The following DIAPH3 variants were observed in gnomAD, a reference collection of about 807,000 sequenced individuals.
DIAPH3 encodes the protein protein diaphanous homolog 3.
DIAPH3 carries 117 observed loss-of-function variants against 144.3 expected under a neutral mutation model. The observed-to-expected ratio is 0.81, with a 90% confidence interval of 0.70 to 0.95. DIAPH3 has a LOEUF of 0.95. DIAPH3 is among the 40% of genes least tolerant of loss of function. DIAPH3 has a pLI of 0.00. For missense variants in DIAPH3, 1,421 were observed against 1,412.7 expected (o/e 1.01, Z -0.09); for synonymous variants, 519 against 488.9 (o/e 1.06, Z -0.81).
At chr13:59,714,955 CCAAGAACAATA>C (rs200376455) in intron 27 of DIAPH3, among the ~76,000 whole-genome samples, 3,858 of 150,772 alleles carry the variant, frequency 0.026, 75 homozygotes, top group Non-Finnish European at 0.04. Flanking sequence ...TCTCCCTCTC[CCAAGAACAATA>C]AGGGAGCAGG....
In DIAPH3 at chr13:59,709,794, G is replaced by A. The variant is rs1052209778; in HGVS notation, c.3320-42948C>T. On this transcript the variant is annotated intron_variant, in intron 27 of 27. Transcript: ENST00000400324. ...CATGCTGCTATAAAGACACATGCAC[G>A]TGTATGTTTACTGTGGCATTATTCA... Among the ~76,000 whole-genome samples the A allele has an allele frequency of 4.4e-3, 675 of 152,144 alleles. 1 individual carries two copies. Among genetic ancestry groups the A allele is most frequent in the African/African-American group, 0.015 (618 of 41,458 alleles).
At chr13:60,028,371 A>G (rs892884759) in intron 5 of DIAPH3, among the ~76,000 whole-genome samples, 5 of 152,016 alleles carry the variant, frequency 3.3e-5, no homozygotes, top group African/African-American at 1.2e-4. Context: ...GCCAGTTCCA[A>G]TAATATCATC....
At chr13:60,090,511 C>G (rs933672318) in intron 4 of DIAPH3, among the ~76,000 whole-genome samples, 7 of 151,880 alleles carry the variant, frequency 4.6e-5, no homozygotes, top group African/African-American at 1.5e-4. Context: ...AATGCTTACC[C>G]AAAAAGGAGA....
chr13:59,867,211 A>C (rs1330494987), intron 21 of DIAPH3, among the ~76,000 whole-genome samples: 1 of 151,596 alleles, frequency 6.6e-6, no homozygotes, highest in Non-Finnish European at 1.5e-5. Context: ...GGAGAACTGC[A>C]TGAGCCTGGG....
At chr13:59,793,944 T>TTTGA (rs2039451033) in intron 25 of DIAPH3, among the ~76,000 whole-genome samples, 1 of 152,210 alleles carries the variant, frequency 6.6e-6, no homozygotes, top group Non-Finnish European at 1.5e-5. Flanking sequence ...TAATACAGAC[T>TTTGA]GTTCCCAACT....
chr13:59,987,688 T>C (rs910844547), intron 12 of DIAPH3, among the ~76,000 whole-genome samples: 3 of 151,526 alleles, frequency 2.0e-5, no homozygotes, highest in African/African-American at 2.4e-5. Flanking sequence ...TTTTAGATAT[T>C]GTACCTTTTT....
At chr13:59,808,547 T>C (rs1488955930) in intron 25 of DIAPH3, among the ~76,000 whole-genome samples, 2 of 152,150 alleles carry the variant, frequency 1.3e-5, no homozygotes, top group Non-Finnish European at 2.9e-5. Context: ...CTTAAAAATA[T>C]CCTTTTCTAT....
intron 18 of DIAPH3, among the ~76,000 whole-genome samples, chr13:59,921,862 T>G (rs2047534909): frequency 6.6e-6 from 1 of 152,036 alleles, no homozygotes; most frequent in Non-Finnish European, 1.5e-5. Flanking sequence ...TCACCATGAT[T>G]AAATGGGATT....
At chr13:59,925,132 T>C (rs1403641079) in intron 17 of DIAPH3, among the ~76,000 whole-genome samples, 3 of 152,078 alleles carry the variant, frequency 2.0e-5, no homozygotes, top group Admixed American at 6.5e-5. Context: ...ATGTATACTA[T>C]GGAAACCAAT....
intron 27 of DIAPH3, among the ~76,000 whole-genome samples, chr13:59,745,697 G>A (rs2036666981): frequency 6.6e-6 from 1 of 152,192 alleles, no homozygotes; most frequent in African/African-American, 2.4e-5. Flanking sequence ...AGGCAGACTG[G>A]AGAGGAGCAG....
At chr13:59,823,626 A>G (rs1194019781) in intron 24 of DIAPH3, among the ~76,000 whole-genome samples, 4 of 152,174 alleles carry the variant, frequency 2.6e-5, no homozygotes, top group Non-Finnish European at 4.4e-5. Flanking sequence ...TCCTTCCTCT[A>G]ACACATATAA....
chr13:60,162,809 T>TCTCTCTCACACACA (rs1555388530), intron 1 of DIAPH3, among the ~76,000 whole-genome samples: 7 of 122,424 alleles, frequency 5.7e-5, no homozygotes, highest in Non-Finnish European at 3.4e-5. Flanking sequence ...TCTCTCTCTC[T>TCTCTCTCACACACA]CACACACACA....
chr13:59,914,511 G>C (rs568545875), intron 19 of DIAPH3, among the ~76,000 whole-genome samples: 1 of 152,254 alleles, frequency 6.6e-6, no homozygotes, highest in African/African-American at 2.4e-5. Context: ...ACATGGCAAA[G>C]GGAATTTAGG....
At chr13:59,991,072 C>T (rs1338894237) in intron 12 of DIAPH3, 86 bp downstream of exon 12, 13 of 827,372 alleles carry the variant, frequency 1.6e-5, no homozygotes, top group South Asian at 3.1e-5. Flanking sequence ...AAATCATTTG[C>T]TTGTCAAAGG....
chr13:60,004,338 A>C (rs1442338021), intron 9 of DIAPH3, among the ~76,000 whole-genome samples: 1 of 152,212 alleles, frequency 6.6e-6, no homozygotes, highest in Admixed American at 6.5e-5. Flanking sequence ...GAAAATTCAG[A>C]AAGACAGAGA....
At chr13:59,867,371 A>G (rs2043989439) in intron 21 of DIAPH3, among the ~76,000 whole-genome samples, 1 of 151,826 alleles carries the variant, frequency 6.6e-6, no homozygotes, top group Admixed American at 6.6e-5. Context: ...ATATTAAAAT[A>G]TAACTTTCTT....
At chr13:60,066,369 A>G (rs770724420) in intron 4 of DIAPH3, among the ~76,000 whole-genome samples, 1 of 152,176 alleles carries the variant, frequency 6.6e-6, no homozygotes, top group Non-Finnish European at 1.5e-5. Flanking sequence ...ATTAATTTGT[A>G]TAGTCACCAT....
intron 12 of DIAPH3, among the ~76,000 whole-genome samples, chr13:59,989,254 G>C (rs995510268): frequency 1.3e-5 from 2 of 151,526 alleles, no homozygotes; most frequent in African/African-American, 2.4e-5. Flanking sequence ...ACACCAACAA[G>C]AGTAAGTTTT....
At chr13:59,979,357 A>G (rs2050855953) in intron 14 of DIAPH3, among the ~76,000 whole-genome samples, 1 of 151,596 alleles carries the variant, frequency 6.6e-6, no homozygotes, top group African/African-American at 2.4e-5. Flanking sequence ...CTACTTTCCT[A>G]TGAAGAGTTA....
Sources: allele counts gnomAD v4.1 joint callset (sites outside exome capture counted in the v4.1 genomes callset), GRCh38; gene constraint gnomAD v4.1.1; transcripts MANE v1.5; gene names NCBI Gene and HGNC (gene_info 2026-07-23, HGNC 2026-07-21).